TAF7L: variants seen among roughly 807,000 people sequenced by gnomAD.
TAF7L encodes the protein TATA-box binding protein associated factor 7 like.
Under a neutral mutation model 30.2 loss-of-function variants are expected in TAF7L, and 6 were observed. That is an observed-to-expected ratio of 0.20 (90% confidence interval 0.11 to 0.39). The LOEUF (loss-of-function observed/expected upper bound fraction) is 0.39. Among genes scored for constraint, TAF7L ranks in the 10% least tolerant of loss-of-function variants. The pLI, the probability that TAF7L is intolerant of heterozygous loss-of-function variation, is 1.00. For missense variants in TAF7L, 284 were observed against 277.1 expected, an observed-to-expected ratio of 1.03 and a Z score of -0.18; for synonymous variants, 93 against 94.5, an observed-to-expected ratio of 0.98 and a Z score of 0.09.
chrX:101,286,520 C>A, intron 3 of TAF7L, 55 bp downstream of exon 3: 2 of 904,218 alleles, frequency 2.2e-6, no homozygotes, highest in Non-Finnish European at 3.2e-6. Context: ...TGGCACATAG[C>A]AATCCCTTAA....
At chrX:101,283,905 CTT>C (rs368554102) in intron 3 of TAF7L, among the ~76,000 whole-genome samples, 42 of 98,387 alleles carry the variant, frequency 4.3e-4, no homozygotes, top group African/African-American at 1.4e-3. Flanking sequence ...AAACCAATTC[CTT>C]TTTTTTTTTT....
chrX:101,291,691 C>T (rs898786077), upstream of TAF7L, among the ~76,000 whole-genome samples: 1 of 108,500 alleles, frequency 9.2e-6, no homozygotes, highest in Non-Finnish European at 1.9e-5. Context: ...ATGATGAAAC[C>T]CCCGTCTCTA....
In TAF7L at chrX:101,283,560, C is replaced by A; in HGVS notation, c.169G>T (p.Glu57Ter). The change falls in exon 4 of 13, where the codon GAA (glutamate) becomes TAA (stop). Residue 57 changes from glutamate to a stop codon, truncating the protein, a stop_gained. Transcript: ENST00000356784. LOFTEE classifies it high-confidence loss of function. ...LLPDGRHAVVEVEDVPLAAKL... is the reference protein window; with the variant it reads ...LLPDGRHAVV ...GCAGCTAGTGGGACATCTTCTACTT[C>A]AACAACTGCATGGCGCCCATCAGCT... is the stretch of plus-strand genomic sequence containing the variant. 1 of 1,211,552 alleles carries A rather than the reference C, an allele frequency of 8.3e-7. No individual in the cohort carries two copies. The highest frequency in any genetic ancestry group is 1.1e-6 in the Non-Finnish European group (1 of 895,367).
At chrX:101,273,734 T>A (rs1175032871) in intron 12 of TAF7L, among the ~76,000 whole-genome samples, 1 of 111,934 alleles carries the variant, frequency 8.9e-6, no homozygotes, top group Non-Finnish European at 1.9e-5. Context: ...TCCAACCTTA[T>A]CTTAAGCCAT....
chrX:101,280,920 A>G, intron 6 of TAF7L, among the ~76,000 whole-genome samples: 1 of 112,328 alleles, frequency 8.9e-6, no homozygotes, highest in Middle Eastern at 4.6e-3. Flanking sequence ...ACAAAATTAC[A>G]GAGATAGAGA....
At chrX:101,285,150 A>G (rs141193188) in intron 3 of TAF7L, among the ~76,000 whole-genome samples, 1,515 of 110,659 alleles carry the variant, frequency 0.014, 36 homozygotes, top group African/African-American at 0.048. Flanking sequence ...GCTGGATCAC[A>G]TGGTTGTTCT....
At chrX:101,274,218 A>AT (rs760318606) in intron 12 of TAF7L, among the ~76,000 whole-genome samples, 16,758 of 102,229 alleles carry the variant, frequency 0.16, 1,242 homozygotes, top group East Asian at 0.27. Context: ...TTTCATTATA[A>AT]TTTTTTTTTT....
At chrX:101,278,539 T>C (rs1924297514) in intron 7 of TAF7L, among the ~76,000 whole-genome samples, 1 of 112,067 alleles carries the variant, frequency 8.9e-6, no homozygotes, top group Non-Finnish European at 1.9e-5. Context: ...ACATCTTTAT[T>C]ATTAGAGACG....
chrX:101,287,753 T>C (rs1453362081), intron 1 of TAF7L: 1 of 319,711 alleles, frequency 3.1e-6, no homozygotes, highest in Admixed American at 5.9e-5. Context: ...CTCCAATATG[T>C]GTAGATTTTC....
chrX:101,268,341 T>G lies in TAF7L; in HGVS notation c.*852A>C, dbSNP rs190613132. 1 of 112,015 alleles carries G rather than the reference T, an allele frequency of 8.9e-6. No homozygotes were observed. The highest frequency in any genetic ancestry group is 3.2e-5 in the African/African-American group (1 of 30,901). The allele number at this position is 112,015 out of a possible 1,213,427, so 9.2% of individuals were successfully genotyped here. On this transcript the variant is annotated 3_prime_UTR_variant, in exon 13 of 13. Coordinates refer to ENST00000356784, the MANE Select transcript of TAF7L (RefSeq NM_001168474.2). ...TACCTAGAAAAAAACCCAAACAAGATTGTTAAAGAAGTCTTCATAGGCATT... is the reference window on the plus strand; with the variant it reads ...TACCTAGAAAAAAACCCAAACAAGAGTGTTAAAGAAGTCTTCATAGGCATT...
chrX:101,280,303 A>G (rs1301624818), intron 6 of TAF7L, among the ~76,000 whole-genome samples: 3 of 111,878 alleles, frequency 2.7e-5, no homozygotes, highest in Non-Finnish European at 5.6e-5. Context: ...CTCAAAATTC[A>G]ATAATAAAAA....
intron 9 of TAF7L, 39 bp downstream of exon 9, chrX:101,277,567 G>T: frequency 1.2e-6 from 1 of 806,077 alleles, no homozygotes; most frequent in Non-Finnish European, 1.8e-6. Context: ...GTCAATACCT[G>T]CCCTATCTGA....
rs759808226 is a variant in TAF7L, at chrX:101,276,476, A to C, written c.744T>G (p.Asp248Glu). ...MFSDSRSNND[D>E]DEDEDDEDED... ...CATCTTCATCATCCTCATCCTCATC[A>C]TCATCATTGTTACTTCTAGAATCAC... Residue 248 changes from aspartate to glutamate, a missense_variant, in exon 10 of 13, where the codon GAT (aspartate) becomes GAG (glutamate). Asp to Glu is a conservative substitution (Grantham distance 45). Transcript: ENST00000356784. 1 of 1,209,348 alleles carries C rather than the reference A, an allele frequency of 8.3e-7. No homozygotes were observed. The highest frequency in any genetic ancestry group is 1.7e-5 in the African/African-American group (1 of 57,472).
At chrX:101,291,420 C>A (rs865899493), upstream of TAF7L, 402 of 319,908 alleles carry the variant, frequency 1.3e-3, 2 homozygotes, top group African/African-American at 0.011. Flanking sequence ...CGCTGCCCAG[C>A]GGACTGGAGC....
chrX:101,280,816 T>C (rs949435288), intron 6 of TAF7L, among the ~76,000 whole-genome samples: 3 of 111,952 alleles, frequency 2.7e-5, no homozygotes, highest in Admixed American at 1.9e-4. Flanking sequence ...CAAAAACTTA[T>C]ATGGATCTTA....
upstream of TAF7L, among the ~76,000 whole-genome samples, chrX:101,292,471 C>T (rs1395520021): frequency 3.7e-4 from 37 of 101,351 alleles, no homozygotes; most frequent in Non-Finnish European, 5.4e-4. Context: ...GCGAGTTGCT[C>T]GCTTTTGGTT....
intron 6 of TAF7L, among the ~76,000 whole-genome samples, chrX:101,279,864 G>A (rs1242667929): frequency 1.8e-5 from 2 of 110,811 alleles, no homozygotes; most frequent in African/African-American, 3.3e-5. Flanking sequence ...CAATACAACA[G>A]AGGAAGAATA....
At chrX:101,276,900 C>T (rs1392760533) in intron 9 of TAF7L, among the ~76,000 whole-genome samples, 1 of 107,836 alleles carries the variant, frequency 9.3e-6, no homozygotes, top group Admixed American at 1.0e-4. Context: ...GAGGCCAACG[C>T]GGGCAGAACA....
chrX:101,275,351 G>A lies in TAF7L; in HGVS notation c.1027-70C>T, dbSNP rs6652843. 5.2e-3 allele frequency: 4,030 copies of A among 775,887 alleles called. 124 individuals are homozygous for A. The African/African-American group carries it at 0.079, about 15-fold the overall frequency. 63.9% of individuals were successfully genotyped at this position (775,887 alleles called of 1,213,427 possible). A position where few individuals can be genotyped will look rare whatever the true frequency, so the allele number is the denominator to read the frequency against. On this transcript the variant is annotated intron_variant, in intron 11 of 12. Coordinates refer to ENST00000356784, the MANE Select transcript of TAF7L (RefSeq NM_001168474.2). ...AAAAAAAAAAAACCAAGGGAGGCAA[G>A]GAGTTTGGCAAATAATTGTTTTTGT...
Sources: gnomAD v4.1 joint callset for allele counts (sites outside exome capture counted in the v4.1 genomes callset) on GRCh38, gnomAD v4.1.1 for gene constraint, MANE v1.5 for transcripts, NCBI Gene and HGNC (gene_info 2026-07-23, HGNC 2026-07-21) for gene names.